Variants in METTL25 observed in about 807,000 individuals in gnomAD.
METTL25 encodes the protein methyltransferase like 25.
METTL25 carries 64 observed loss-of-function variants against 71.6 expected under a neutral mutation model. The ratio of observed to expected loss-of-function variants is 0.89; its 90% confidence interval spans 0.73 to 1.10. The LOEUF is 1.10. Ranked by LOEUF, METTL25 falls within the 50% of genes least tolerant of loss-of-function variation. The pLI, the probability that METTL25 is intolerant of heterozygous loss-of-function variation, is 0.00. For synonymous variants in METTL25, 287 were observed against 250.3 expected, an observed-to-expected ratio of 1.15 and a Z score of -1.38; for missense variants, 807 against 707.0, an observed-to-expected ratio of 1.14 and a Z score of -1.60.
Position 82,435,139 on chromosome 12 carries a change from T to A in METTL25, c.1404+415T>A, listed in dbSNP as rs1021486. Among the ~76,000 whole-genome samples, 1,072 of 151,614 alleles carry A rather than the reference T, an allele frequency of 7.1e-3. 12 individuals carry two copies. The highest frequency in any genetic ancestry group is 0.025 in the African/African-American group (1,022 of 41,488). On this transcript the variant is annotated intron_variant, in intron 7 of 11. Transcript: ENST00000248306. Reference sequence around the variant, plus strand: ...TTTTCTTTACTGACTTGATTAACCATTAGTTGCAGTGGCCAAATGGGTTTG... The same window carrying A: ...TTTTCTTTACTGACTTGATTAACCAATAGTTGCAGTGGCCAAATGGGTTTG...
At chr12:82,375,679 G>A (rs1883772026) in intron 1 of METTL25, among the ~76,000 whole-genome samples, 1 of 152,204 alleles carries the variant, frequency 6.6e-6, no homozygotes, top group African/African-American at 2.4e-5. Flanking sequence ...AGGTCCAGAA[G>A]TGATTGAAAT....
chr12:82,459,421 A>G (rs1891709981), intron 9 of METTL25, among the ~76,000 whole-genome samples: 1 of 152,194 alleles, frequency 6.6e-6, no homozygotes, highest in Admixed American at 6.5e-5. Context: ...TGAGCCCAGG[A>G]GTTTGAGACT....
chr12:82,471,314 A>T (rs1892555467), intron 9 of METTL25, among the ~76,000 whole-genome samples: 1 of 152,238 alleles, frequency 6.6e-6, no homozygotes, highest in Non-Finnish European at 1.5e-5. Flanking sequence ...CACATTCTCT[A>T]GCCCTGCCTC....
intron 8 of METTL25, chr12:82,439,928 T>C: frequency 1.7e-6 from 1 of 578,498 alleles, no homozygotes; most frequent in Non-Finnish European, 2.2e-6. Context: ...TCTTCTCACT[T>C]AAAAACTCAA....
At chr12:82,436,909 A>G (rs1317185584) in intron 7 of METTL25, among the ~76,000 whole-genome samples, 1 of 151,614 alleles carries the variant, frequency 6.6e-6, no homozygotes, top group Non-Finnish European at 1.5e-5. Context: ...AATTCATGCA[A>G]TAGTAGACTT....
At position 82,401,768 on chromosome 12, in the gene METTL25, A is replaced by C. The variant is rs59492927; in HGVS notation, c.1132-1215A>C. On this transcript the variant is annotated intron_variant, in intron 4 of 11. Coordinates refer to ENST00000248306, the MANE Select transcript of METTL25 (RefSeq NM_032230.3). Reference sequence around the variant, plus strand: ...AACACTTTGAGAGACATGATGATTTAATTTTAAAAAACTAGAAATTAATAT... The same window carrying C: ...AACACTTTGAGAGACATGATGATTTCATTTTAAAAAACTAGAAATTAATAT... 3.0e-3 allele frequency among the ~76,000 whole-genome samples: 451 copies of C among 152,192 alleles called. 4 individuals carry two copies. Among genetic ancestry groups the C allele is most frequent in the African/African-American group, 0.01 (424 of 41,566 alleles).
intron 1 of METTL25, among the ~76,000 whole-genome samples, chr12:82,378,774 C>A (rs542670668): frequency 6.6e-6 from 1 of 152,128 alleles, no homozygotes; most frequent in Admixed American, 6.6e-5. Flanking sequence ...CACTTATGAT[C>A]CCGGCATTTG....
intron 9 of METTL25, among the ~76,000 whole-genome samples, chr12:82,468,183 C>T (rs887969247): frequency 8.5e-5 from 13 of 152,086 alleles, no homozygotes; most frequent in African/African-American, 2.9e-4. Context: ...AGTACTGTTC[C>T]AGTCCACTAA....
intron 4 of METTL25, among the ~76,000 whole-genome samples, chr12:82,402,080 G>T (rs1448066630): frequency 2.0e-5 from 3 of 151,842 alleles, no homozygotes; most frequent in Non-Finnish European, 4.4e-5. Context: ...GTATACATTT[G>T]TACTCATTGT....
At chr12:82,420,253 G>A (rs1375670306) in intron 5 of METTL25, among the ~76,000 whole-genome samples, 1 of 152,080 alleles carries the variant, frequency 6.6e-6, no homozygotes, top group African/African-American at 2.4e-5. Flanking sequence ...AAAATTTGGA[G>A]ATATATTGTG....
Position 82,386,971 on chromosome 12 carries a change from T to C in METTL25, c.424+4T>C. 1 of 1,610,766 alleles carries C rather than the reference T, an allele frequency of 6.2e-7. No homozygotes were observed. On this transcript the variant is annotated splice_donor_region_variant and intron_variant, in intron 2 of 11. Transcript: ENST00000248306. Reference sequence around the variant, plus strand: ...GGAAATCAAAACCAGAGAATTGGTATGTCTATTTATGTGTGTGTATGTGTG... The same window carrying C: ...GGAAATCAAAACCAGAGAATTGGTACGTCTATTTATGTGTGTGTATGTGTG...
intron 9 of METTL25, among the ~76,000 whole-genome samples, chr12:82,459,394 A>C (rs1891708692): frequency 6.6e-6 from 1 of 152,202 alleles, no homozygotes; most frequent in Non-Finnish European, 1.5e-5. Context: ...TTGGACGGCC[A>C]AGACAGGAGA....
intron 5 of METTL25, among the ~76,000 whole-genome samples, chr12:82,406,357 T>C (rs1411323329): frequency 6.6e-6 from 1 of 152,192 alleles, no homozygotes; most frequent in Non-Finnish European, 1.5e-5. Flanking sequence ...TATATTGTTT[T>C]TTTATGTATC....
At chr12:82,436,660 A>G (rs1889938529) in intron 7 of METTL25, among the ~76,000 whole-genome samples, 1 of 151,482 alleles carries the variant, frequency 6.6e-6, no homozygotes, top group Admixed American at 6.6e-5. Flanking sequence ...TTTTTATGTT[A>G]TCTTGTTTAA....
intron 5 of METTL25, among the ~76,000 whole-genome samples, chr12:82,414,082 G>T (rs914749504): frequency 6.6e-6 from 1 of 151,980 alleles, no homozygotes; most frequent in Admixed American, 6.6e-5. Flanking sequence ...ATCTCGGCTT[G>T]AATTAAGTTT....
rs1332375888 is a variant in METTL25, at chr12:82,358,646, G to A, written c.81G>A (p.Leu27=). ...AGTTGCAGGGACTGCTGCAGTTCCT[G>A]AGGGATGCCCTGTCCATTTCCAATG... The part of the protein sequence containing the change: ...RAKLQGLLQF[L]RDALSISNAH... Residue 27 remains leucine, a synonymous_variant, in exon 1 of 12, where the codon CTG becomes CTA. Coordinates refer to ENST00000248306, the MANE Select transcript of METTL25 (RefSeq NM_032230.3). 1 of 1,614,040 alleles carries A rather than the reference G, an allele frequency of 6.2e-7. No individual in the cohort carries two copies.
chr12:82,458,348 GA>G (rs1260443149), intron 9 of METTL25, among the ~76,000 whole-genome samples: 1 of 152,112 alleles, frequency 6.6e-6, no homozygotes, highest in African/African-American at 2.4e-5. Context: ...AAAAACAACA[GA>G]AAAATCCACA....
chr12:82,380,936 G>A (rs1488104852), intron 1 of METTL25, among the ~76,000 whole-genome samples: 1 of 152,184 alleles, frequency 6.6e-6, no homozygotes, highest in African/African-American at 2.4e-5. Context: ...CATGAGGGAA[G>A]GTGGTCTCAG....
rs7133492 is a variant in METTL25, at chr12:82,450,998, T to C, written c.1479-5729T>C. 2.9e-3 allele frequency among the ~76,000 whole-genome samples: 438 copies of C among 152,292 alleles called. 2 individuals carry two copies. The highest frequency in any genetic ancestry group is 9.9e-3 in the African/African-American group (413 of 41,568). On this transcript the variant is annotated intron_variant, in intron 8 of 11. Transcript: ENST00000248306. Reference sequence around the variant, plus strand: ...TAATATATTAATAGTACATGTTTTATTTATTTGTGTTGTTGATCATCTCCC... The same window carrying C: ...TAATATATTAATAGTACATGTTTTACTTATTTGTGTTGTTGATCATCTCCC...
Sources: gnomAD v4.1 joint callset for allele counts (sites outside exome capture counted in the v4.1 genomes callset) on GRCh38, gnomAD v4.1.1 for gene constraint, MANE v1.5 for transcripts, NCBI Gene and HGNC (gene_info 2026-07-23, HGNC 2026-07-21) for gene names.